Variants in CACNA1C observed in about 807,000 individuals in gnomAD.
CACNA1C encodes the protein calcium voltage-gated channel subunit alpha1 C.
Under a neutral mutation model 229.0 loss-of-function variants are expected in CACNA1C, and 30 were observed. The ratio of observed to expected loss-of-function variants is 0.13; its 90% CI spans 0.10 to 0.18. The LOEUF (loss-of-function observed/expected upper bound fraction) is 0.18, where lower values mean the gene tolerates loss of function less well. CACNA1C is among the 10% of genes least tolerant of loss of function. The pLI, the probability that CACNA1C is intolerant of heterozygous loss-of-function variation, is 1.00. For missense variants in CACNA1C, 1,658 were observed against 2,845.0 expected, an observed-to-expected ratio of 0.58 and a Z score of 9.49; for synonymous variants, 1,114 against 1,132.5, an observed-to-expected ratio of 0.98 and a Z score of 0.33.
intron 3 of CACNA1C, among the ~76,000 whole-genome samples, chr12:2,384,579 A>G (rs2098334721): frequency 6.6e-6 from 1 of 152,062 alleles, no homozygotes; most frequent in Non-Finnish European, 1.5e-5. Flanking sequence ...GTTTGTGTAC[A>G]TGCCCTATTT....
At chr12:2,487,786 A>G (rs942746617) in intron 6 of CACNA1C, among the ~76,000 whole-genome samples, 6 of 152,174 alleles carry the variant, frequency 3.9e-5, no homozygotes, top group East Asian at 1.9e-4. Flanking sequence ...ATGCGAAACC[A>G]TATATGAATA....
intron 3 of CACNA1C, among the ~76,000 whole-genome samples, chr12:2,214,027 A>G (rs2059364555): frequency 6.6e-6 from 1 of 152,200 alleles, no homozygotes; most frequent in Admixed American, 6.5e-5. Context: ...GGGAGGGAAG[A>G]CCTGCACCTT....
chr12:2,011,658 C>T (rs1192426922), intron 1 of CACNA1C, among the ~76,000 whole-genome samples: 1 of 152,176 alleles, frequency 6.6e-6, no homozygotes, highest in Non-Finnish European at 1.5e-5. Context: ...CAATACTGAA[C>T]AATATGTTTA....
intron 1 of CACNA1C, among the ~76,000 whole-genome samples, chr12:2,106,296 TG>T (rs71293121): frequency 5.5e-5 from 3 of 54,210 alleles, no homozygotes; most frequent in African/African-American, 5.8e-5. Context: ...CTACCTCATC[TG>T]GGGCGTCCTG....
intron 3 of CACNA1C, among the ~76,000 whole-genome samples, chr12:2,238,140 A>G (rs1210584707): frequency 6.6e-6 from 1 of 152,226 alleles, no homozygotes; most frequent in Non-Finnish European, 1.5e-5. Context: ...GCTTCTACAC[A>G]GGAGCCTGGA....
chr12:2,325,252 C>T (rs2096239623), intron 3 of CACNA1C, among the ~76,000 whole-genome samples: 3 of 152,206 alleles, frequency 2.0e-5, no homozygotes, highest in East Asian at 3.9e-4. Context: ...TATCTGGTCT[C>T]GAGACCCATT....
At chr12:2,224,301 C>G (rs573881123) in intron 3 of CACNA1C, among the ~76,000 whole-genome samples, 18 of 152,348 alleles carry the variant, frequency 1.2e-4, no homozygotes, top group African/African-American at 4.1e-4. Flanking sequence ...TCCTCTCCAC[C>G]GTCTCCGATA....
In CACNA1C at chr12:2,669,101, C is replaced by T. The variant is rs546258437; in HGVS notation, c.4726+66C>T. 7.0e-5 allele frequency: 79 copies of T among 1,134,274 alleles called. 1 individual carries two copies. In the East Asian group the frequency reaches 1.7e-3, roughly 25 times the overall value. The allele number at this position is 1,134,274 out of a possible 1,614,324, so 70.3% of individuals were successfully genotyped here. On this transcript the variant is annotated intron_variant, in intron 38 of 46. Coordinates refer to ENST00000399655, the MANE Select transcript of CACNA1C (RefSeq NM_000719.7). ...TCTAGCAGACAATCAGAGAGGAGCT[C>T]GGCAGCCTGCAAAGTGCTCAAGGGA...
intron 1 of CACNA1C, among the ~76,000 whole-genome samples, chr12:1,987,346 G>A (rs1198117045): frequency 1.3e-5 from 2 of 152,196 alleles, no homozygotes; most frequent in East Asian, 3.8e-4. Flanking sequence ...GCTTTTGTGA[G>A]TTGACTTGGA....
intron 3 of CACNA1C, among the ~76,000 whole-genome samples, chr12:2,412,068 C>A (rs184726411): frequency 1.3e-5 from 2 of 152,066 alleles, no homozygotes; most frequent in Non-Finnish European, 2.9e-5. Flanking sequence ...ACGCCCAAGC[C>A]CCCCCCATGC....
intron 3 of CACNA1C, among the ~76,000 whole-genome samples, chr12:2,320,341 G>T (rs994761071): frequency 5.3e-5 from 8 of 152,162 alleles, no homozygotes; most frequent in African/African-American, 1.9e-4. Flanking sequence ...TAATTCCCAT[G>T]TATTTGTTGA....
Position 2,678,002 on chromosome 12 carries a change from A to G in CACNA1C, c.5091+135A>G. 2.0e-6 allele frequency: 2 copies of G among 1,024,302 alleles called. No homozygotes were observed. Among genetic ancestry groups the G allele is most frequent in the South Asian group, 1.5e-5 (1 of 65,544 alleles). The allele number at this position is 1,024,302 out of a possible 1,614,324, so 63.5% of individuals were successfully genotyped here. On this transcript the variant is annotated intron_variant, in intron 41 of 46. Transcript: ENST00000399655. The surrounding 1 kb of genome is among the most constrained non-coding windows in gnomAD (Gnocchi z 4.1). ...AAGGGCTACTTCCAGGCTCTTCCTG[A>G]TGAGCTGTCTCCTCACCCCTTTGCC...
intron 3 of CACNA1C, among the ~76,000 whole-genome samples, chr12:2,122,736 G>C (rs1482453678): frequency 1.3e-5 from 2 of 152,218 alleles, no homozygotes; most frequent in African/African-American, 4.8e-5. Context: ...ACAGATTTAA[G>C]TTACCTTTCC....
At chr12:2,521,136 G>A (rs2099809007) in intron 9 of CACNA1C, among the ~76,000 whole-genome samples, 1 of 152,252 alleles carries the variant, frequency 6.6e-6, no homozygotes, top group African/African-American at 2.4e-5. Context: ...AATACCAGCT[G>A]AGAAAGACAC....
chr12:2,114,523 T>A (rs1400060069), intron 1 of CACNA1C, among the ~76,000 whole-genome samples: 1 of 152,214 alleles, frequency 6.6e-6, no homozygotes, highest in Non-Finnish European at 1.5e-5. Context: ...ATAAAGGGAT[T>A]TGTTGACATG....
chr12:2,082,994 C>G (rs556931743), intron 1 of CACNA1C, among the ~76,000 whole-genome samples: 2 of 152,280 alleles, frequency 1.3e-5, no homozygotes, highest in African/African-American at 4.8e-5. Flanking sequence ...TAATCATGGA[C>G]TGTGCTGTTT....
intron 1 of CACNA1C, among the ~76,000 whole-genome samples, chr12:2,055,289 A>G (rs902866435): frequency 6.6e-5 from 10 of 152,214 alleles, no homozygotes; most frequent in Admixed American, 2.0e-4. Context: ...TGGGGATGCA[A>G]GATGACTCCC....
chr12:2,282,406 T>A (rs962024057), intron 3 of CACNA1C, among the ~76,000 whole-genome samples: 22 of 152,154 alleles, frequency 1.4e-4, no homozygotes, highest in Non-Finnish European at 2.4e-4. Context: ...CGGATTTCCC[T>A]CTCAATAGGG....
intron 1 of CACNA1C, chr12:2,004,428 C>T (rs773777304): frequency 1.2e-6 from 2 of 1,608,722 alleles, no homozygotes; most frequent in Non-Finnish European, 8.5e-7. Context: ...GCCACGGCTG[C>T]CATCTTCCCT....
Sources: gnomAD v4.1 joint callset for allele counts (sites outside exome capture counted in the v4.1 genomes callset) on GRCh38, gnomAD v4.1.1 for gene constraint, Gnocchi (gnomAD v3.1) non-coding constraint, MANE v1.5 for transcripts, NCBI Gene and HGNC (gene_info 2026-07-23, HGNC 2026-07-21) for gene names.